METTL2A: variants seen among roughly 807,000 people sequenced by gnomAD.
The protein encoded by METTL2A is methyltransferase 2A, tRNA N3-cytidine, also known as tRNA N(3)-cytidine methyltransferase METTL2A.
Under a neutral mutation model 49.4 loss-of-function variants are expected in METTL2A, and 45 were observed. The ratio of observed to expected loss-of-function variants is 0.91; its 90% CI spans 0.72 to 1.17. METTL2A has a LOEUF of 1.17. Among genes scored for constraint, METTL2A ranks in the 50% most tolerant of loss-of-function variants. METTL2A has a pLI of 0.00. For missense variants in METTL2A, 361 were observed against 462.2 expected (o/e 0.78, Z 2.01); for synonymous variants, 118 against 167.5 (o/e 0.70, Z 2.28).
At chr17:62,436,017 C>T (rs2070697937) in intron 5 of METTL2A, among the ~76,000 whole-genome samples, 1 of 152,042 alleles carries the variant, frequency 6.6e-6, no homozygotes, top group African/African-American at 2.4e-5. Context: ...GGGCAGATCA[C>T]GAGGTCAGGA....
In METTL2A at chr17:62,447,686, C is replaced by T. The variant is rs3750154; in HGVS notation, c.917-15C>T. 0.036 allele frequency: 56,690 copies of T among 1,583,514 alleles called. 7,435 individuals carry two copies. The East Asian group carries it at 0.4, about 11-fold the overall frequency. ...GCTTTTAAGTGTCTCTGATTTTTAA[C>T]ACATCACTCTGCAGGTCAGTGTCTA... On this transcript the variant is annotated splice_polypyrimidine_tract_variant and intron_variant, in intron 7 of 8. Coordinates refer to ENST00000311506, the MANE Select transcript of METTL2A (RefSeq NM_181725.4).
At chr17:62,445,238 A>G (rs1401107163) in intron 7 of METTL2A, among the ~76,000 whole-genome samples, 2 of 151,882 alleles carry the variant, frequency 1.3e-5, no homozygotes, top group Non-Finnish European at 2.9e-5. Flanking sequence ...GCACATGTAT[A>G]CATATGTAAT....
chr17:62,432,140 C>G (rs1055740752), intron 4 of METTL2A, among the ~76,000 whole-genome samples: 7 of 152,284 alleles, frequency 4.6e-5, no homozygotes, highest in Admixed American at 3.9e-4. Flanking sequence ...CCCCATTTCC[C>G]AATTTCCCCC....
In METTL2A at chr17:62,444,932, G is replaced by A. The variant is rs202032329; in HGVS notation, c.905G>A (p.Arg302Gln). The A allele has an allele frequency of 6.3e-5, 101 of 1,613,616 alleles. No individual in the cohort carries two copies. The African/African-American group carries it at 8.1e-4, about 13-fold the overall frequency. ...GGCCGCTATGACATGGCTCAGCTTC[G>A]GTTTAAAAAAGGTATTTTGAAAGTG... ...DYGRYDMAQL[R>Q]FKKGQCLSGN... The change falls in exon 7 of 9, where the codon CGG becomes CAG. Residue 302 changes from arginine (R) to glutamine (Q), a missense_variant. By Grantham distance (43) the Arg-to-Gln change is conservative. Around this residue, in one of 3 missense-constraint regions of METTL2A, gnomAD observed 183 missense variants for 216.5 expected, o/e 0.85. Coordinates refer to ENST00000311506, the MANE Select transcript of METTL2A (RefSeq NM_181725.4).
chr17:62,448,505 G>C, intron 8 of METTL2A, 70 bp from the exon 9 acceptor site: 2 of 1,581,998 alleles, frequency 1.3e-6, no homozygotes, highest in South Asian at 2.3e-5. Flanking sequence ...CTTTTAACAA[G>C]GACTTAGTAG....
At chr17:62,444,788 C>A (rs368786787) in intron 6 of METTL2A, 49 bp from the exon 7 acceptor site, 10 of 1,595,460 alleles carry the variant, frequency 6.3e-6, no homozygotes, top group Non-Finnish European at 8.6e-6. Context: ...GAAAGAGAAC[C>A]CCGTCTTTAA....
At chr17:62,445,718 A>T (rs1231593505) in intron 7 of METTL2A, among the ~76,000 whole-genome samples, 1 of 151,624 alleles carries the variant, frequency 6.6e-6, no homozygotes, top group Non-Finnish European at 1.5e-5. Context: ...AATCGCTTGA[A>T]CCCAGGAGGC....
chr17:62,424,152 G>A, intron 1 of METTL2A, 67 bp from the exon 2 acceptor site: 1 of 1,609,128 alleles, frequency 6.2e-7, no homozygotes, highest in East Asian at 2.2e-5. Flanking sequence ...GAAACTCCTA[G>A]GCCAGCGACT....
In METTL2A at chr17:62,430,765, G is replaced by A. The variant is rs147777493; in HGVS notation, c.608+2928G>A. On this transcript the variant is annotated intron_variant, in intron 4 of 8. Coordinates refer to ENST00000311506, the MANE Select transcript of METTL2A (RefSeq NM_181725.4). ...TCGATCTCGGCTAGCCTCAACCTCC[G>A]CCTCCCAGGTTCAAGCAATTATCCT... is the stretch of plus-strand genomic sequence containing the variant. 4.3e-3 allele frequency among the ~76,000 whole-genome samples: 653 copies of A among 152,108 alleles called. 7 individuals carry two copies. The highest frequency in any genetic ancestry group is 0.015 in the African/African-American group (633 of 41,484).
Position 62,423,975 on chromosome 17 carries a change from C to T in METTL2A, c.73C>T (p.Leu25=), listed in dbSNP as rs769456108. ...DKRQQFGSRF[L]RDPARVFHHN... The stretch of plus-strand genomic sequence containing the variant: ...GAGGCAGCAGTTCGGAAGCCGGTTC[C>T]TGAGAGATCCGGCGCGCGTCTTCCA... Residue 25 remains leucine, a synonymous_variant, in exon 1 of 9, where the codon CTG becomes TTG. Transcript: ENST00000311506. The T allele has an allele frequency of 2.2e-5, 35 of 1,613,942 alleles. No homozygotes were observed. In the African/African-American group the frequency reaches 4.4e-4, roughly 20 times the overall value.
chr17:62,448,329 A>G (rs1006912282), intron 8 of METTL2A, among the ~76,000 whole-genome samples: 12 of 152,318 alleles, frequency 7.9e-5, no homozygotes, highest in African/African-American at 2.9e-4. Flanking sequence ...AGGTGTTCAT[A>G]GAGCCTAAAG....
At chr17:62,431,372 T>G (rs2070664201) in intron 4 of METTL2A, among the ~76,000 whole-genome samples, 1 of 146,580 alleles carries the variant, frequency 6.8e-6, no homozygotes, top group Admixed American at 6.9e-5. Context: ...TTTTTTTTCT[T>G]TTGAGACAGG....
intron 6 of METTL2A, among the ~76,000 whole-genome samples, chr17:62,443,012 G>T (rs528825200): frequency 6.6e-6 from 1 of 152,130 alleles, no homozygotes; most frequent in Admixed American, 6.6e-5. Context: ...AACCTGAGAG[G>T]ATGAGTGTGA....
intron 7 of METTL2A, among the ~76,000 whole-genome samples, chr17:62,446,685 C>T (rs1223723373): frequency 3.9e-5 from 6 of 152,184 alleles, no homozygotes; most frequent in Non-Finnish European, 2.9e-5. Context: ...AGAACTAGCA[C>T]ATAATACATG....
chr17:62,437,854 C>T (rs1284660499), intron 5 of METTL2A, among the ~76,000 whole-genome samples: 1 of 152,028 alleles, frequency 6.6e-6, no homozygotes, highest in Non-Finnish European at 1.5e-5. Flanking sequence ...CACCTGTTGT[C>T]CCAGCTACTT....
In METTL2A at chr17:62,452,559, A is replaced by G. The variant is rs2070811494; in HGVS notation, c.*3830A>G. Among the ~76,000 whole-genome samples the G allele has an allele frequency of 6.6e-6, 1 of 152,208 alleles. No homozygotes were observed. The highest frequency in any genetic ancestry group is 1.9e-4 in the East Asian group (1 of 5,176). On this transcript the variant is annotated 3_prime_UTR_variant, in exon 9 of 9. Coordinates refer to ENST00000311506, the MANE Select transcript of METTL2A (RefSeq NM_181725.4). ...GATTGGTTGGTATTTTGTACAGAAA[A>G]GCTTTCTCATATCTGATTTACTTGT...
chr17:62,448,133 G>T (rs947106514), intron 8 of METTL2A, among the ~76,000 whole-genome samples: 1 of 152,210 alleles, frequency 6.6e-6, no homozygotes, highest in Non-Finnish European at 1.5e-5. Flanking sequence ...GGTTCTAGGG[G>T]TGCTGGGAAC....
chr17:62,424,739 CTG>C (rs2070611718), intron 2 of METTL2A, among the ~76,000 whole-genome samples: 1 of 151,784 alleles, frequency 6.6e-6, no homozygotes, highest in Non-Finnish European at 1.5e-5. Context: ...TGACTGGTGA[CTG>C]TGTGTCTATT....
rs373572013 is a variant in METTL2A, at chr17:62,451,395, G to C, written c.*2666G>C. Among the ~76,000 whole-genome samples the C allele has an allele frequency of 2.0e-5, 3 of 150,690 alleles. No individual in the cohort carries two copies. In the East Asian group the frequency reaches 6.0e-4, roughly 30 times the overall value. ...ACTCCCGACCTCAGGTGATCTGCCC[G>C]CCTTGGCCTCCCAAAGTGCTGGGAT... On this transcript the variant is annotated 3_prime_UTR_variant, in exon 9 of 9. Coordinates refer to ENST00000311506, the MANE Select transcript of METTL2A (RefSeq NM_181725.4).
Sources: allele counts gnomAD v4.1 joint callset (sites outside exome capture counted in the v4.1 genomes callset), GRCh38; gene constraint gnomAD v4.1.1; regional missense constraint gnomAD v4.1.1; transcripts MANE v1.5; gene names NCBI Gene and HGNC (gene_info 2026-07-23, HGNC 2026-07-21).